The following SPRED2 variants were observed in gnomAD, a reference collection of about 807,000 sequenced individuals.
SPRED2 encodes the protein sprouty-related, EVH1 domain-containing protein 2.
A neutral mutation model predicts 43.0 loss-of-function variants in SPRED2; 47 were observed. That is an observed-to-expected ratio of 1.09 (90% CI 0.87 to 1.40). The LOEUF is 1.40. Among genes scored for constraint, SPRED2 ranks in the 40% most tolerant of loss-of-function variants. The probability of loss-of-function intolerance (pLI) is 0.00; values close to 1 mark genes in which losing one functional copy is unlikely to be tolerated. For synonymous variants in SPRED2, 225 were observed against 225.7 expected (o/e 1.00, Z 0.03); for missense variants, 561 against 586.4 (o/e 0.96, Z 0.45).
In SPRED2 at chr2:65,316,895, G is replaced by C; in HGVS notation, c.439-12C>G. 1 of 1,601,810 alleles carries C rather than the reference G, an allele frequency of 6.2e-7. No homozygotes were observed. The highest frequency in any genetic ancestry group is 8.5e-7 in the Non-Finnish European group (1 of 1,174,922). On this transcript the variant is annotated splice_polypyrimidine_tract_variant and intron_variant, in intron 4 of 5. Transcript: ENST00000356388. ...CTGTCTGTAGCTGTCTGTGTAGAGGGAGGTAACCAAGAGTCAATTTAAAAA... is the reference window on the plus strand; with the variant it reads ...CTGTCTGTAGCTGTCTGTGTAGAGGCAGGTAACCAAGAGTCAATTTAAAAA...
At chr2:65,401,313 A>T (rs1675881139) in intron 1 of SPRED2, among the ~76,000 whole-genome samples, 1 of 152,008 alleles carries the variant, frequency 6.6e-6, no homozygotes. Flanking sequence ...GGAAGCAGAG[A>T]TATATACACT....
intron 3 of SPRED2, among the ~76,000 whole-genome samples, chr2:65,333,373 G>GA (rs1432786052): frequency 6.6e-6 from 1 of 151,948 alleles, no homozygotes; most frequent in Non-Finnish European, 1.5e-5. Context: ...GACTGCAGGA[G>GA]AAAAAACAAC....
At chr2:65,372,835 C>A (rs1429849437) in intron 1 of SPRED2, among the ~76,000 whole-genome samples, 1 of 152,184 alleles carries the variant, frequency 6.6e-6, no homozygotes. Context: ...GCCACTCAGG[C>A]CAACTCAACC....
At chr2:65,340,962 G>A (rs991016477) in intron 2 of SPRED2, among the ~76,000 whole-genome samples, 5 of 151,390 alleles carry the variant, frequency 3.3e-5, no homozygotes, top group African/African-American at 1.2e-4. Context: ...TGGGCGCATG[G>A]TCTCCAGTGG....
intron 1 of SPRED2, among the ~76,000 whole-genome samples, chr2:65,405,635 G>T (rs1281107659): frequency 6.6e-6 from 1 of 152,192 alleles, no homozygotes; most frequent in Non-Finnish European, 1.5e-5. Context: ...GCACCATGGG[G>T]CTCCTGAGAA....
chr2:65,343,454 CT>C lies in SPRED2; in HGVS notation c.204+1264del, dbSNP rs530948788. ...AAATTTTTTTAAACTATAAGAAGTG[CT>C]TGCAAAAGAAGGTTAAATTTGTACA... On this transcript the variant is annotated intron_variant, in intron 2 of 5. Coordinates refer to ENST00000356388, the MANE Select transcript of SPRED2 (RefSeq NM_181784.3). Among the ~76,000 whole-genome samples, 10 of 152,226 alleles carry C rather than the reference CT, an allele frequency of 6.6e-5. No individual in the cohort carries two copies. The South Asian group carries it at 2.1e-3, about 32-fold the overall frequency.
At chr2:65,339,720 T>TTAA (rs138845954) in intron 2 of SPRED2, among the ~76,000 whole-genome samples, 1 of 143,096 alleles carries the variant, frequency 7.0e-6, no homozygotes, top group Admixed American at 6.9e-5. Flanking sequence ...AAAATAAAAT[T>TTAA]AAAAAAAAAT....
At chr2:65,369,400 C>T (rs1034013563) in intron 1 of SPRED2, among the ~76,000 whole-genome samples, 3 of 152,190 alleles carry the variant, frequency 2.0e-5, no homozygotes, top group African/African-American at 7.2e-5. Flanking sequence ...TCCCCACCCC[C>T]AACCCCCACT....
chr2:65,399,993 A>AT (rs1356490784), intron 1 of SPRED2, among the ~76,000 whole-genome samples: 1 of 149,920 alleles, frequency 6.7e-6, no homozygotes, highest in Non-Finnish European at 1.5e-5. Flanking sequence ...AAACAAAAAA[A>AT]CAAAAACCCC....
At chr2:65,342,408 AT>A (rs1382757918) in intron 2 of SPRED2, among the ~76,000 whole-genome samples, 4 of 148,670 alleles carry the variant, frequency 2.7e-5, no homozygotes, top group African/African-American at 9.8e-5. Flanking sequence ...ATGTATGTAT[AT>A]TTTGTATACG....
chr2:65,351,976 T>C (rs1379324260), intron 1 of SPRED2, among the ~76,000 whole-genome samples: 4 of 152,250 alleles, frequency 2.6e-5, no homozygotes, highest in Non-Finnish European at 4.4e-5. Context: ...GGTGGTAACA[T>C]GATTTTCTGC....
chr2:65,418,125 T>G (rs1291913260), intron 1 of SPRED2, among the ~76,000 whole-genome samples: 3 of 152,238 alleles, frequency 2.0e-5, no homozygotes, highest in Admixed American at 1.3e-4. Context: ...GAATTATTAG[T>G]GGTCTCCCTG....
intron 1 of SPRED2, among the ~76,000 whole-genome samples, chr2:65,358,291 C>G (rs1461410285): frequency 6.6e-6 from 1 of 152,178 alleles, no homozygotes; most frequent in Non-Finnish European, 1.5e-5. Flanking sequence ...ATAAGATCCT[C>G]TGGGGGAAAA....
At chr2:65,310,226 G>A (rs779901686), downstream of SPRED2, among the ~76,000 whole-genome samples, 15 of 151,912 alleles carry the variant, frequency 9.9e-5, no homozygotes, top group Admixed American at 3.9e-4. Flanking sequence ...AAGACGCAAG[G>A]CCCCTCCTAT....
Position 65,431,969 on chromosome 2 carries a change from G to T in SPRED2, c.19C>A (p.Pro7Thr). MTEETH[P>T]DDDSYIVRVK... ...CCCCGCGACCAAACTTACTCGTCTG[G>T]GTGTGTTTCTTCGGTCATTTTCTTG... The change falls in exon 1 of 6, where the codon CCA becomes ACA. Residue 7 changes from proline to threonine, a missense_variant. Transcript: ENST00000356388. The T allele has an allele frequency of 6.2e-7, 1 of 1,613,980 alleles. No individual in the cohort carries two copies. The highest frequency in any genetic ancestry group is 8.5e-7 in the Non-Finnish European group (1 of 1,179,990).
chr2:65,359,395 G>A (rs1241610957), intron 1 of SPRED2, among the ~76,000 whole-genome samples: 1 of 151,486 alleles, frequency 6.6e-6, no homozygotes, highest in Non-Finnish European at 1.5e-5. Context: ...TAAGGGAGTA[G>A]TGTAGTTTGA....
At chr2:65,407,658 A>AGATCAACTCTCCTCAGCTG (rs1482141859) in intron 1 of SPRED2, among the ~76,000 whole-genome samples, 1 of 152,212 alleles carries the variant, frequency 6.6e-6, no homozygotes, top group Admixed American at 6.5e-5. Flanking sequence ...TTAAACCAAA[A>AGATCAACTCTCCTCAGCTG]GATCAACTCT....
intron 1 of SPRED2, among the ~76,000 whole-genome samples, chr2:65,381,231 T>C (rs1444858184): frequency 6.6e-6 from 1 of 152,238 alleles, no homozygotes; most frequent in Admixed American, 6.5e-5. Context: ...CAACCCAGAA[T>C]TTAACCCTCC....
At chr2:65,334,018 C>T in intron 3 of SPRED2, 1 of 310,232 alleles carries the variant, frequency 3.2e-6, no homozygotes, top group Non-Finnish European at 6.4e-6. Flanking sequence ...TTTGTGTTTG[C>T]ATCTGTGGAC....
Sources: gnomAD v4.1 joint callset for allele counts (sites outside exome capture counted in the v4.1 genomes callset) on GRCh38, gnomAD v4.1.1 for gene constraint, MANE v1.5 for transcripts, NCBI Gene and HGNC (gene_info 2026-07-23, HGNC 2026-07-21) for gene names.